FOXP1: variants seen among roughly 807,000 people sequenced by gnomAD.
FOXP1 encodes the protein forkhead box P1, also known as forkhead box protein P1.
In FOXP1, 15 loss-of-function variants were observed where a neutral mutation model predicts 98.2. The ratio of observed to expected loss-of-function variants is 0.15; its 90% CI spans 0.10 to 0.24. The LOEUF (loss-of-function observed/expected upper bound fraction) is 0.24. FOXP1 is among the 10% of genes least tolerant of loss of function. The pLI, the probability that FOXP1 is intolerant of heterozygous loss-of-function variation, is 1.00. For missense variants in FOXP1, 633 were observed against 848.5 expected, an observed-to-expected ratio of 0.75 and a Z score of 3.15; for synonymous variants, 371 against 314.5, an observed-to-expected ratio of 1.18 and a Z score of -1.90.
At chr3:71,361,390 C>T (rs1195081980) in intron 3 of FOXP1, among the ~76,000 whole-genome samples, 1 of 152,162 alleles carries the variant, frequency 6.6e-6, no homozygotes, top group African/African-American at 2.4e-5. Context: ...GCTGTGGACT[C>T]CTCAAGGAAC....
chr3:71,013,080 G>C (rs2043898592), intron 12 of FOXP1, among the ~76,000 whole-genome samples: 1 of 152,122 alleles, frequency 6.6e-6, no homozygotes, highest in South Asian at 2.1e-4. Context: ...GAATAGCATA[G>C]AAGCATTTCA....
At chr3:71,346,107 G>A in intron 4 of FOXP1, among the ~76,000 whole-genome samples, 1 of 152,246 alleles carries the variant, frequency 6.6e-6, no homozygotes, top group South Asian at 2.1e-4. Flanking sequence ...TTAAAAATTT[G>A]GGAGGGGCTA....
chr3:71,375,180 G>A (rs1378654123), intron 3 of FOXP1, among the ~76,000 whole-genome samples: 1 of 152,204 alleles, frequency 6.6e-6, no homozygotes, highest in East Asian at 1.9e-4. Context: ...TTCATAGTGG[G>A]TAGGGGGTTG....
At position 70,959,255 on chromosome 3, in the gene FOXP1, T is replaced by G; in HGVS notation, c.2026A>C (p.Met676Leu). Residue 676 changes from methionine to leucine, a missense_variant, in exon 21 of 21, where the codon ATG becomes CTG. Physicochemically the swap from Met to Leu is conservative, Grantham distance 15 (BLOSUM62 2). Transcript: ENST00000649528. ...TTGGCCCGCCCCGATAGTCACTCCA[T>G]GTCCTCGTTTACTGGTTCATCTTCG... Reference protein sequence around the residue: ...DYEDEPVNEDME With the variant: ...DYEDEPVNEDLE 6.2e-7 allele frequency: 1 copy of G among 1,613,748 alleles called. No individual in the cohort carries two copies. Among genetic ancestry groups the G allele is most frequent in the Non-Finnish European group, 8.5e-7 (1 of 1,179,904 alleles).
At chr3:71,302,953 T>C (rs575388736) in intron 4 of FOXP1, 3 of 152,296 alleles carry the variant, frequency 2.0e-5, no homozygotes, top group East Asian at 1.9e-4. Flanking sequence ...CCTCAGATTA[T>C]TGCAGTATTT....
In FOXP1 at chr3:70,958,063, A is replaced by G. The variant is rs1220125459; in HGVS notation, c.*1184T>C. On this transcript the variant is annotated 3_prime_UTR_variant, in exon 21 of 21. Coordinates refer to ENST00000649528, the MANE Select transcript of FOXP1 (RefSeq NM_001349338.3). Reference sequence around the variant, plus strand: ...CGCAGAGCACCCAAGGCCCATGGCAACTTGGTTCCACAAGGGAGAGCCTTC... The same window carrying G: ...CGCAGAGCACCCAAGGCCCATGGCAGCTTGGTTCCACAAGGGAGAGCCTTC... 6.9e-6 allele frequency: 2 copies of G among 289,924 alleles called. No individual in the cohort carries two copies. The highest frequency in any genetic ancestry group is 9.2e-5 in the Admixed American group (2 of 21,842). 18.0% of individuals were successfully genotyped at this position (289,924 alleles called of 1,614,324 possible).
chr3:71,583,010 C>T (rs2048311734), intron 1 of FOXP1, among the ~76,000 whole-genome samples: 1 of 152,012 alleles, frequency 6.6e-6, no homozygotes, highest in African/African-American at 2.4e-5. Flanking sequence ...CAAGTCTAAA[C>T]TTTGGGCCTA....
At chr3:71,494,105 G>A (rs2091250289) in intron 2 of FOXP1, among the ~76,000 whole-genome samples, 1 of 152,106 alleles carries the variant, frequency 6.6e-6, no homozygotes. Context: ...TACTCATGGA[G>A]ATGTTTCCAT....
In FOXP1 at chr3:71,543,991, A is replaced by ATATACACACATGTATGTGTG. The variant is rs911108264; in HGVS notation, c.-298+37538_-298+37557dup. Among the ~76,000 whole-genome samples the ATATACACACATGTATGTGTG allele has an allele frequency of 2.1e-4, 17 of 79,838 alleles. 1 individual carries two copies. In the South Asian group the frequency reaches 2.7e-3, roughly 12 times the overall value. The allele number at this position is 79,838 out of a possible 152,430, so 52.4% of individuals were successfully genotyped here. A position where few individuals can be genotyped will look rare whatever the true frequency, so the allele number is the denominator to read the frequency against. On this transcript the variant is annotated intron_variant, in intron 2 of 20. Transcript: ENST00000649528. ...GTGTGTTTACACACTATATATACAC[A>ATATACACACATGTATGTGTG]TATACACACATGTATGTGTGTATAC...
intron 5 of FOXP1, among the ~76,000 whole-genome samples, chr3:71,258,184 T>A (rs751278786): frequency 1.7e-4 from 26 of 152,170 alleles, no homozygotes; most frequent in Non-Finnish European, 3.1e-4. Flanking sequence ...ACAAAGGTTA[T>A]AATGAAATAC....
At chr3:71,315,095 A>G (rs1391940383) in intron 4 of FOXP1, among the ~76,000 whole-genome samples, 4 of 142,196 alleles carry the variant, frequency 2.8e-5, no homozygotes, top group Admixed American at 7.0e-5. Context: ...AAAAAAAAAA[A>G]AAAAAAAAAA....
chr3:71,195,741 TA>T, intron 6 of FOXP1, among the ~76,000 whole-genome samples: 1 of 152,240 alleles, frequency 6.6e-6, no homozygotes, highest in African/African-American at 2.4e-5. Flanking sequence ...ACTACCGCAG[TA>T]ATGAATTCAG....
intron 2 of FOXP1, among the ~76,000 whole-genome samples, chr3:71,550,746 C>T (rs1396807317): frequency 6.6e-6 from 1 of 152,158 alleles, no homozygotes; most frequent in East Asian, 1.9e-4. Context: ...CATTAGACAC[C>T]AGCTCATATA....
intron 2 of FOXP1, among the ~76,000 whole-genome samples, chr3:71,545,349 G>A (rs1271796038): frequency 1.3e-5 from 2 of 152,178 alleles, no homozygotes; most frequent in African/African-American, 4.8e-5. Flanking sequence ...CCAAATCTGA[G>A]AGAAATAATG....
At chr3:71,367,399 G>A (rs60139688) in intron 3 of FOXP1, among the ~76,000 whole-genome samples, 1 of 152,078 alleles carries the variant, frequency 6.6e-6, no homozygotes, top group Non-Finnish European at 1.5e-5. Flanking sequence ...GTCAGAACAG[G>A]GGCCAAAAGC....
chr3:71,199,667 G>A (rs554855516), intron 5 of FOXP1, among the ~76,000 whole-genome samples: 4 of 151,908 alleles, frequency 2.6e-5, no homozygotes, highest in Non-Finnish European at 5.9e-5. Flanking sequence ...TTGAACCTAG[G>A]GGGTGGAGGT....
At chr3:71,457,776 C>T (rs1577620548) in intron 3 of FOXP1, among the ~76,000 whole-genome samples, 1 of 152,166 alleles carries the variant, frequency 6.6e-6, no homozygotes, top group Admixed American at 6.5e-5. Flanking sequence ...AGAGATATGC[C>T]TGGGAAATAG....
At chr3:71,074,697 TAAATGTG>T (rs1559876322) in intron 7 of FOXP1, among the ~76,000 whole-genome samples, 1 of 152,030 alleles carries the variant, frequency 6.6e-6, no homozygotes, top group Non-Finnish European at 1.5e-5. Context: ...CCATGGAAAA[TAAATGTG>T]ACCAAGTGTC....
intron 5 of FOXP1, chr3:71,296,582 A>G (rs1159119541): frequency 6.6e-6 from 1 of 151,676 alleles, no homozygotes; most frequent in Admixed American, 6.6e-5. Flanking sequence ...TAGCATCAAA[A>G]CACAGATGGA....
Sources: gnomAD v4.1 joint callset for allele counts (sites outside exome capture counted in the v4.1 genomes callset) on GRCh38, gnomAD v4.1.1 for gene constraint, MANE v1.5 for transcripts, NCBI Gene and HGNC (gene_info 2026-07-23, HGNC 2026-07-21) for gene names.